TXNL4A: variants seen among roughly 807,000 people sequenced by gnomAD.
TXNL4A encodes thioredoxin like 4A, also known as thioredoxin-like protein 4A.
TXNL4A carries 17 observed loss-of-function variants against 14.6 expected under a neutral mutation model. The observed-to-expected ratio is 1.16, with a 90% CI of 0.80 to 1.74. TXNL4A has a LOEUF of 1.74. Ranked by LOEUF, TXNL4A falls within the 40% of genes most tolerant of loss-of-function variation. The probability of loss-of-function intolerance (pLI) is 0.00; values close to 1 mark genes in which losing one functional copy is unlikely to be tolerated. For missense variants in TXNL4A, 74 were observed against 195.2 expected (o/e 0.38, Z 3.70); for synonymous variants, 83 against 70.6 (o/e 1.18, Z -0.88).
chr18:80,023,625 G>A (rs2051864405), intron 1 of TXNL4A, among the ~76,000 whole-genome samples: 1 of 152,154 alleles, frequency 6.6e-6, no homozygotes, highest in Non-Finnish European at 1.5e-5. Context: ...AAATGGAGAG[G>A]AGGATATTCA....
At chr18:79,990,905 C>T (rs1283963812), upstream of TXNL4A, among the ~76,000 whole-genome samples, 1 of 150,924 alleles carries the variant, frequency 6.6e-6, no homozygotes, top group East Asian at 1.9e-4. Flanking sequence ...GAGATCGAGA[C>T]CATCCTGGCT....
At chr18:79,988,806 C>G (rs7236382), upstream of TXNL4A, among the ~76,000 whole-genome samples, 1 of 151,270 alleles carries the variant, frequency 6.6e-6, no homozygotes, top group Non-Finnish European at 1.5e-5. Flanking sequence ...TGCCCTGCCC[C>G]CACGCTCCCG....
At chr18:80,018,229 A>G (rs188998765) in intron 1 of TXNL4A, among the ~76,000 whole-genome samples, 2 of 152,352 alleles carry the variant, frequency 1.3e-5, no homozygotes, top group African/African-American at 4.8e-5. Flanking sequence ...CTGCTCCTGA[A>G]TGACTACTGG....
At chr18:79,983,230 A>G (rs1599723476) in intron 1 of TXNL4A, among the ~76,000 whole-genome samples, 1 of 152,154 alleles carries the variant, frequency 6.6e-6, no homozygotes, top group African/African-American at 2.4e-5. Context: ...CGAACTCTTG[A>G]CCTCAGATGA....
At chr18:80,008,887 T>C (rs1473417258) in intron 1 of TXNL4A, among the ~76,000 whole-genome samples, 2 of 152,182 alleles carry the variant, frequency 1.3e-5, no homozygotes, top group Non-Finnish European at 1.5e-5. Context: ...AAGCGATTCT[T>C]CTGCCTCAGA....
Position 79,982,620 on chromosome 18 carries a change from T to A in TXNL4A, c.154-4919A>T, listed in dbSNP as rs2051481465. Among the ~76,000 whole-genome samples the A allele has an allele frequency of 6.6e-6, 1 of 152,130 alleles. No homozygotes were observed. Among genetic ancestry groups the A allele is most frequent in the African/African-American group, 2.4e-5 (1 of 41,430 alleles). On this transcript the variant is annotated intron_variant, in intron 1 of 2. Coordinates refer to ENST00000269601, the MANE Select transcript of TXNL4A (RefSeq NM_006701.5). The surrounding 1 kb of genome is among the most constrained non-coding windows in gnomAD (Gnocchi z 4.0). ...GCTGTGCCGAGTGCCCCAGAGAGGT[T>A]ACCAGAAAGGACGATATGGGAACGG... is the stretch of plus-strand genomic sequence containing the variant.
intron 1 of TXNL4A, among the ~76,000 whole-genome samples, chr18:79,980,923 A>G (rs1167362814): frequency 1.3e-5 from 2 of 152,244 alleles, no homozygotes; most frequent in African/African-American, 4.8e-5. Context: ...GGTCACTCTG[A>G]CAACGCCCAT....
At chr18:80,032,450 C>G (rs2096966) in intron 1 of TXNL4A, among the ~76,000 whole-genome samples, 70,128 of 152,120 alleles carry the variant, frequency 0.46, 16,997 homozygotes, top group East Asian at 0.75. Flanking sequence ...AACCTGTCTC[C>G]CCCTTTTGGT....
At chr18:79,986,909 C>T (rs868512723) in intron 1 of TXNL4A, among the ~76,000 whole-genome samples, 2 of 152,238 alleles carry the variant, frequency 1.3e-5, no homozygotes, top group African/African-American at 4.8e-5. Context: ...TGATGTGTGG[C>T]ACTGCCTCTC....
upstream of TXNL4A, among the ~76,000 whole-genome samples, chr18:79,988,975 G>A (rs1864529): frequency 0.76 from 115,415 of 152,110 alleles, 45,764 homozygotes; most frequent in East Asian, 0.93. Context: ...TGTGAAACTT[G>A]ATCATAAAAA....
chr18:80,032,453 C>T (rs112884858), intron 1 of TXNL4A, among the ~76,000 whole-genome samples: 162 of 152,336 alleles, frequency 1.1e-3, no homozygotes, highest in African/African-American at 3.8e-3. Context: ...CTGTCTCCCC[C>T]TTTTGGTTCC....
At chr18:80,009,821 G>A (rs2051758224) in intron 1 of TXNL4A, among the ~76,000 whole-genome samples, 1 of 152,196 alleles carries the variant, frequency 6.6e-6, no homozygotes, top group Non-Finnish European at 1.5e-5. Flanking sequence ...CCAGAGCTTG[G>A]GAGGGGCTGC....
In TXNL4A at chr18:79,973,724, C is replaced by T; in HGVS notation, c.390G>A (p.Val130=). ...YRGARKGRGL[V]VSPKDYSTKY... is the part of the protein sequence containing the mutation. ...TGGTGGAGTAGTCCTTGGGGGACACCACCAGGCCGCGGCCTTTGCGGGCCC... is the reference window on the plus strand; with the variant it reads ...TGGTGGAGTAGTCCTTGGGGGACACTACCAGGCCGCGGCCTTTGCGGGCCC... Residue 130 remains valine, a synonymous_variant, in exon 3 of 3, where the codon GTG becomes GTA. Coordinates refer to ENST00000269601, the MANE Select transcript of TXNL4A (RefSeq NM_006701.5). The T allele has an allele frequency of 1.2e-6, 2 of 1,614,174 alleles. No individual in the cohort carries two copies. The highest frequency in any genetic ancestry group is 1.7e-6 in the Non-Finnish European group (2 of 1,180,026).
intron 1 of TXNL4A, among the ~76,000 whole-genome samples, chr18:80,007,227 G>A (rs188193134): frequency 3.3e-5 from 5 of 152,236 alleles, no homozygotes; most frequent in Admixed American, 1.3e-4. Flanking sequence ...CTCAGACACC[G>A]AGTTGTAGAA....
In TXNL4A at chr18:79,988,520, C is replaced by A; in HGVS notation, c.-128G>T. The A allele has an allele frequency of 9.6e-7, 1 of 1,044,768 alleles. No homozygotes were observed. Among genetic ancestry groups the A allele is most frequent in the Non-Finnish European group, 1.2e-6 (1 of 811,724 alleles). 64.7% of individuals were successfully genotyped at this position (1,044,768 alleles called of 1,614,324 possible). On this transcript the variant is annotated 5_prime_UTR_variant, in exon 1 of 3. Transcript: ENST00000269601. ...CCCACGGACGAAATCCGGTCCCGCCCGCACACGCAAACTCCGCTGGGACTG... is the reference window on the plus strand; with the variant it reads ...CCCACGGACGAAATCCGGTCCCGCCAGCACACGCAAACTCCGCTGGGACTG...
intron 1 of TXNL4A, among the ~76,000 whole-genome samples, chr18:79,996,140 C>CT (rs1160633232): frequency 6.9e-5 from 10 of 144,304 alleles, no homozygotes; most frequent in Non-Finnish European, 1.0e-4. Flanking sequence ...GCCAGGACAG[C>CT]TTAAGAGGGA....
chr18:79,985,024 G>A (rs1234137267), intron 1 of TXNL4A, among the ~76,000 whole-genome samples: 1 of 152,112 alleles, frequency 6.6e-6, no homozygotes, highest in Non-Finnish European at 1.5e-5. Flanking sequence ...CCACAAAATG[G>A]AAAGACAGCT....
At chr18:80,031,716 T>C (rs1314942689) in intron 1 of TXNL4A, among the ~76,000 whole-genome samples, 2 of 152,210 alleles carry the variant, frequency 1.3e-5, no homozygotes, top group Non-Finnish European at 2.9e-5. Flanking sequence ...TGGCTTTAGA[T>C]ACACTAACGG....
chr18:79,991,930 G>A (rs372266779), upstream of TXNL4A, among the ~76,000 whole-genome samples: 3 of 152,318 alleles, frequency 2.0e-5, no homozygotes, highest in African/African-American at 7.2e-5. Context: ...ATTTTAGGGA[G>A]GCATGAGACA....
Sources: gnomAD v4.1 joint callset for allele counts (sites outside exome capture counted in the v4.1 genomes callset) on GRCh38, gnomAD v4.1.1 for gene constraint, Gnocchi (gnomAD v3.1) non-coding constraint, MANE v1.5 for transcripts, NCBI Gene and HGNC (gene_info 2026-07-23, HGNC 2026-07-21) for gene names.